The following SLC1A3 variants were observed in gnomAD, a reference collection of about 807,000 sequenced individuals.
SLC1A3 encodes the protein excitatory amino acid transporter 1.
SLC1A3 carries 21 observed loss-of-function variants against 48.1 expected under a neutral mutation model. The observed-to-expected ratio is 0.44, with a 90% CI of 0.31 to 0.63. SLC1A3 has a LOEUF of 0.63. SLC1A3 is among the 20% of genes least tolerant of loss of function. The probability of loss-of-function intolerance (pLI) is 0.08; values close to 1 mark genes in which losing one functional copy is unlikely to be tolerated. For missense variants in SLC1A3, 546 were observed against 689.0 expected, an observed-to-expected ratio of 0.79 and a Z score of 2.32; for synonymous variants, 239 against 251.4, an observed-to-expected ratio of 0.95 and a Z score of 0.47.
intron 3 of SLC1A3, among the ~76,000 whole-genome samples, chr5:36,665,032 G>A (rs975209761): frequency 5.4e-5 from 8 of 149,446 alleles, no homozygotes; most frequent in South Asian, 2.1e-4. Flanking sequence ...TCCGGGTGCC[G>A]CTGGGTTTGC....
At chr5:36,662,836 G>A (rs1231989990) in intron 3 of SLC1A3, among the ~76,000 whole-genome samples, 1 of 152,190 alleles carries the variant, frequency 6.6e-6, no homozygotes, top group Non-Finnish European at 1.5e-5. Context: ...TCAATTGAAT[G>A]GTCAAGACCA....
At chr5:36,639,127 G>C (rs114101143) in intron 3 of SLC1A3, among the ~76,000 whole-genome samples, 1,727 of 152,334 alleles carry the variant, frequency 0.011, 29 homozygotes, top group African/African-American at 0.039. Context: ...GGGAATAAGT[G>C]TTCAGGCTAG....
At chr5:36,657,489 C>A (rs1207391877) in intron 3 of SLC1A3, among the ~76,000 whole-genome samples, 2 of 151,782 alleles carry the variant, frequency 1.3e-5, no homozygotes, top group Non-Finnish European at 2.9e-5. Flanking sequence ...GTGAAGCACC[C>A]TTATGTACTT....
chr5:36,627,505 A>G (rs1739957040), intron 2 of SLC1A3, among the ~76,000 whole-genome samples: 1 of 152,006 alleles, frequency 6.6e-6, no homozygotes, highest in South Asian at 2.1e-4. Flanking sequence ...TAAAAAAAAA[A>G]AATCCCAGAT....
At chr5:36,668,674 T>A (rs375070349) in intron 3 of SLC1A3, 21 of 152,374 alleles carry the variant, frequency 1.4e-4, no homozygotes, top group African/African-American at 5.0e-4. Flanking sequence ...TCTCCTTCTG[T>A]GCTTTTTGGG....
intron 3 of SLC1A3, among the ~76,000 whole-genome samples, chr5:36,647,559 T>C (rs1421351285): frequency 2.6e-5 from 4 of 152,236 alleles, no homozygotes. Flanking sequence ...AGAGACCACA[T>C]GTATTAAAGC....
chr5:36,602,955 G>A (rs7704100), upstream of SLC1A3, among the ~76,000 whole-genome samples: 43,268 of 152,158 alleles, frequency 0.28, 7,124 homozygotes, highest in South Asian at 0.48. Flanking sequence ...CAAGGGCCTT[G>A]ATATTCTCAA....
At chr5:36,673,540 A>T (rs1742080424) in intron 4 of SLC1A3, among the ~76,000 whole-genome samples, 1 of 152,206 alleles carries the variant, frequency 6.6e-6, no homozygotes, top group Admixed American at 6.5e-5. Flanking sequence ...GCTACCAAAG[A>T]GTTGCAGAAG....
intron 7 of SLC1A3, 103 bp downstream of exon 7, chr5:36,679,963 C>A: frequency 1.3e-6 from 1 of 797,576 alleles, no homozygotes; most frequent in Non-Finnish European, 2.2e-6. Context: ...TTTAAACTTC[C>A]AAGAATGATG....
At chr5:36,617,151 A>G (rs532335251) in intron 2 of SLC1A3, among the ~76,000 whole-genome samples, 2 of 152,240 alleles carry the variant, frequency 1.3e-5, no homozygotes, top group South Asian at 4.1e-4. Flanking sequence ...AAGTTTTTTC[A>G]GATTCGCTTC....
chr5:36,612,954 G>A, intron 2 of SLC1A3: 1 of 408,892 alleles, frequency 2.4e-6, no homozygotes, highest in South Asian at 1.7e-5. Context: ...AAAGCCCACT[G>A]GTGAGACTTG....
chr5:36,659,636 G>A (rs79104438), intron 3 of SLC1A3, among the ~76,000 whole-genome samples: 3,163 of 152,216 alleles, frequency 0.021, 54 homozygotes, highest in Non-Finnish European at 0.028. Flanking sequence ...CTTCCAGTTC[G>A]TACCAACACG....
chr5:36,648,361 A>C (rs948981820), intron 3 of SLC1A3, among the ~76,000 whole-genome samples: 6 of 152,202 alleles, frequency 3.9e-5, no homozygotes, highest in Admixed American at 3.3e-4. Flanking sequence ...GATTAATGTA[A>C]AATTTGGAAT....
chr5:36,622,346 T>C (rs1739710216), intron 2 of SLC1A3, among the ~76,000 whole-genome samples: 2 of 152,232 alleles, frequency 1.3e-5, no homozygotes. Context: ...TTTGGCGTAG[T>C]AATAACTCTT....
At chr5:36,663,380 A>ATTTTTTTTTTTTTTTTTTTTTTTTTT (rs1156283585) in intron 3 of SLC1A3, among the ~76,000 whole-genome samples, 24 of 69,328 alleles carry the variant, frequency 3.5e-4, no homozygotes, top group African/African-American at 5.4e-4. Flanking sequence ...CACGCCCGGC[A>ATTTTTTTTTTTTTTTTTTTTTTTTTT]TTTTTTTTTT....
chr5:36,645,980 A>C (rs1481313413), intron 3 of SLC1A3, among the ~76,000 whole-genome samples: 1 of 152,226 alleles, frequency 6.6e-6, no homozygotes, highest in African/African-American at 2.4e-5. Context: ...TCTTGCATTG[A>C]TATTGATGTC....
At chr5:36,622,355 T>C (rs994432959) in intron 2 of SLC1A3, among the ~76,000 whole-genome samples, 1 of 152,222 alleles carries the variant, frequency 6.6e-6, no homozygotes, top group Admixed American at 6.5e-5. Context: ...GTAATAACTC[T>C]TAGAAGACTT....
chr5:36,615,328 C>T (rs941946351), intron 2 of SLC1A3, among the ~76,000 whole-genome samples: 1 of 152,214 alleles, frequency 6.6e-6, no homozygotes, highest in Non-Finnish European at 1.5e-5. Flanking sequence ...AGTTTATCTT[C>T]CTCTAAAATA....
chr5:36,682,420 C>T (rs1246484953), intron 8 of SLC1A3, among the ~76,000 whole-genome samples: 1 of 152,056 alleles, frequency 6.6e-6, no homozygotes, highest in Non-Finnish European at 1.5e-5. Context: ...TTCTGGGAAC[C>T]TCAGGCCCAA....
Sources: allele counts gnomAD v4.1 joint callset (sites outside exome capture counted in the v4.1 genomes callset), GRCh38; gene constraint gnomAD v4.1.1; transcripts MANE v1.5; gene names NCBI Gene and HGNC (gene_info 2026-07-23, HGNC 2026-07-21).